XKR6: variants seen among roughly 807,000 people sequenced by gnomAD.
XKR6 encodes XK-related protein 6.
A neutral mutation model predicts 56.7 loss-of-function variants in XKR6; 22 were observed. The observed-to-expected ratio is 0.39, with a 90% CI of 0.28 to 0.55. The LOEUF (loss-of-function observed/expected upper bound fraction) is 0.55, where lower values mean the gene tolerates loss of function less well. Among genes scored for constraint, XKR6 ranks in the 20% least tolerant of loss-of-function variants. The pLI, the probability that XKR6 is intolerant of heterozygous loss-of-function variation, is 0.66. For missense variants in XKR6, 852 were observed against 889.0 expected, an observed-to-expected ratio of 0.96 and a Z score of 0.53; for synonymous variants, 524 against 387.8, an observed-to-expected ratio of 1.35 and a Z score of -4.13.
intron 1 of XKR6, among the ~76,000 whole-genome samples, chr8:11,016,187 C>G (rs946242678): frequency 6.6e-6 from 1 of 152,192 alleles, no homozygotes; most frequent in Non-Finnish European, 1.5e-5. Flanking sequence ...GGGCGGCCAG[C>G]TGGACTAAAA....
intron 1 of XKR6, chr8:11,113,927 G>GCA: frequency 6.8e-6 from 2 of 293,962 alleles, no homozygotes; most frequent in Non-Finnish European, 1.3e-5. Flanking sequence ...AACTGGGGCA[G>GCA]CACAGACACG....
chr8:11,075,381 G>A (rs1216963863), intron 1 of XKR6, among the ~76,000 whole-genome samples: 1 of 152,152 alleles, frequency 6.6e-6, no homozygotes, highest in Non-Finnish European at 1.5e-5. Context: ...CAGGGTTAGG[G>A]GTTGAGGAAA....
chr8:11,148,473 A>G (rs544605022), intron 1 of XKR6, among the ~76,000 whole-genome samples: 37 of 152,278 alleles, frequency 2.4e-4, no homozygotes, highest in Admixed American at 2.0e-3. Context: ...GAAGAAATAC[A>G]TTGCTGTTGT....
At chr8:10,949,840 C>G (rs1161910817) in intron 1 of XKR6, among the ~76,000 whole-genome samples, 1 of 152,158 alleles carries the variant, frequency 6.6e-6, no homozygotes, top group African/African-American at 2.4e-5. Context: ...AGGTGAATCT[C>G]AGCAGCATCT....
intron 1 of XKR6, among the ~76,000 whole-genome samples, chr8:11,091,712 C>A (rs1022384269): frequency 1.3e-5 from 2 of 152,076 alleles, no homozygotes; most frequent in South Asian, 2.1e-4. Context: ...AAGCCATTTG[C>A]AGTGATGCCC....
intron 1 of XKR6, among the ~76,000 whole-genome samples, chr8:11,046,109 G>A (rs918420796): frequency 6.6e-6 from 1 of 151,984 alleles, no homozygotes; most frequent in Admixed American, 6.6e-5. Context: ...ATTTAAAGCA[G>A]GGATTCAGGC....
At position 11,166,775 on chromosome 8, in the gene XKR6, G is replaced by C. The variant is rs528616295; in HGVS notation, c.764+33801C>G. On this transcript the variant is annotated intron_variant, in intron 1 of 2. Coordinates refer to ENST00000416569, the MANE Select transcript of XKR6 (RefSeq NM_173683.4). ...TTTAGCAGAGACGGGGTTTCACCATGTTGGCCAGGCTGGTCTGGAACTCGT... is the reference window on the plus strand; with the variant it reads ...TTTAGCAGAGACGGGGTTTCACCATCTTGGCCAGGCTGGTCTGGAACTCGT... Among the ~76,000 whole-genome samples, 83 of 152,220 alleles carry C rather than the reference G, an allele frequency of 5.5e-4. 2 individuals are homozygous for C. The South Asian group carries it at 0.017, about 31-fold the overall frequency.
At chr8:10,993,807 C>T (rs1440147993) in intron 1 of XKR6, among the ~76,000 whole-genome samples, 1 of 152,192 alleles carries the variant, frequency 6.6e-6, no homozygotes, top group Non-Finnish European at 1.5e-5. Flanking sequence ...GCCCCCAAAG[C>T]CCAGTTATTC....
At chr8:10,908,216 A>C (rs1237877719) in intron 2 of XKR6, among the ~76,000 whole-genome samples, 3 of 152,274 alleles carry the variant, frequency 2.0e-5, no homozygotes, top group African/African-American at 7.2e-5. Context: ...CCCTTGACTC[A>C]CATGCAACGA....
intron 1 of XKR6, among the ~76,000 whole-genome samples, chr8:11,170,760 T>C (rs575010069): frequency 1.1e-4 from 16 of 152,270 alleles, no homozygotes; most frequent in Non-Finnish European, 2.2e-4. Context: ...CTGATACACA[T>C]CTCAAGTACT....
chr8:10,986,264 G>A (rs1797862187), intron 1 of XKR6, among the ~76,000 whole-genome samples: 1 of 152,158 alleles, frequency 6.6e-6, no homozygotes, highest in African/African-American at 2.4e-5. Context: ...CACAACGTAT[G>A]TATTCTAAAT....
intron 1 of XKR6, among the ~76,000 whole-genome samples, chr8:10,930,504 A>C (rs1195301385): frequency 6.6e-6 from 1 of 152,228 alleles, no homozygotes; most frequent in African/African-American, 2.4e-5. Context: ...AAGCAAATAA[A>C]ACTACAGACA....
At chr8:10,930,585 A>G (rs1048585607) in intron 1 of XKR6, among the ~76,000 whole-genome samples, 1 of 152,250 alleles carries the variant, frequency 6.6e-6, no homozygotes, top group Admixed American at 6.5e-5. Context: ...TAATATATGG[A>G]AAGAACAATG....
chr8:11,124,149 G>A (rs1799631642), intron 1 of XKR6: 2 of 376,178 alleles, frequency 5.3e-6, no homozygotes, highest in Admixed American at 3.2e-5. Flanking sequence ...TAATTTACTG[G>A]CATTTACATA....
intron 1 of XKR6, among the ~76,000 whole-genome samples, chr8:11,043,636 G>A (rs1471981940): frequency 6.6e-6 from 1 of 152,318 alleles, no homozygotes; most frequent in East Asian, 1.9e-4. Flanking sequence ...TCCCACCTGA[G>A]AACTAAAAAT....
intron 1 of XKR6, among the ~76,000 whole-genome samples, chr8:10,971,290 G>A (rs183711762): frequency 6.6e-5 from 10 of 151,712 alleles, no homozygotes; most frequent in South Asian, 4.2e-4. Flanking sequence ...GTGTGGTGGC[G>A]GGCACCTGTA....
intron 1 of XKR6, among the ~76,000 whole-genome samples, chr8:11,007,077 G>C (rs144180729): frequency 0.019 from 2,832 of 152,260 alleles, 42 homozygotes; most frequent in Non-Finnish European, 0.029. Context: ...TAAGAGGAAA[G>C]AGCTGCTACA....
chr8:10,978,439 T>G (rs1339216323), intron 1 of XKR6, among the ~76,000 whole-genome samples: 1 of 152,172 alleles, frequency 6.6e-6, no homozygotes, highest in Admixed American at 6.5e-5. Context: ...CTCAAACAAA[T>G]TAAATAATGC....
intron 1 of XKR6, among the ~76,000 whole-genome samples, chr8:11,146,623 CAAA>C (rs544514802): frequency 4.2e-4 from 26 of 61,248 alleles, no homozygotes; most frequent in Admixed American, 1.7e-3. Context: ...GAGACCCTGT[CAAA>C]AAAAAAAAAA....
Sources: allele counts gnomAD v4.1 joint callset (sites outside exome capture counted in the v4.1 genomes callset), GRCh38; gene constraint gnomAD v4.1.1; transcripts MANE v1.5; gene names NCBI Gene and HGNC (gene_info 2026-07-23, HGNC 2026-07-21).